The following MECOM variants were observed in gnomAD, a reference collection of about 807,000 sequenced individuals.
MECOM encodes MDS1 and EVI1 complex locus.
MECOM carries 13 observed loss-of-function variants against 116.3 expected under a neutral mutation model. The ratio of observed to expected loss-of-function variants is 0.11; its 90% CI spans 0.07 to 0.18. The LOEUF (loss-of-function observed/expected upper bound fraction) is 0.18, where lower values mean the gene tolerates loss of function less well. MECOM is among the 10% of genes least tolerant of loss of function. The pLI is 1.00. For synonymous variants in MECOM, 528 were observed against 535.2 expected, an observed-to-expected ratio of 0.99 and a Z score of 0.19; for missense variants, 1,299 against 1,509.0, an observed-to-expected ratio of 0.86 and a Z score of 2.31.
At chr3:169,425,652 G>A (rs937186771) in intron 1 of MECOM, among the ~76,000 whole-genome samples, 55 of 152,226 alleles carry the variant, frequency 3.6e-4, no homozygotes, top group African/African-American at 1.3e-3. Flanking sequence ...ATTTTGATTG[G>A]TCAAACAGTA....
At chr3:169,261,804 C>T (rs1757591427) in intron 2 of MECOM, among the ~76,000 whole-genome samples, 1 of 152,226 alleles carries the variant, frequency 6.6e-6, no homozygotes, top group Admixed American at 6.5e-5. Flanking sequence ...GTCAGTGATA[C>T]AGTGCCCGTG....
intron 2 of MECOM, among the ~76,000 whole-genome samples, chr3:169,368,684 G>T (rs1258067408): frequency 6.6e-6 from 1 of 151,972 alleles, no homozygotes; most frequent in African/African-American, 2.4e-5. Flanking sequence ...AGAATATTCT[G>T]ATGCAGTGGT....
intron 1 of MECOM, among the ~76,000 whole-genome samples, chr3:169,419,765 A>C (rs1169824086): frequency 2.0e-5 from 3 of 152,216 alleles, no homozygotes; most frequent in African/African-American, 7.2e-5. Context: ...AATGGAATTT[A>C]ATTAAACTAA....
At chr3:169,092,909 A>T in intron 14 of MECOM, 49 bp downstream of exon 14, 1 of 1,609,338 alleles carries the variant, frequency 6.2e-7, no homozygotes, top group South Asian at 1.1e-5. Context: ...ATTTTAAAAC[A>T]TGTTCATTTC....
intron 1 of MECOM, among the ~76,000 whole-genome samples, chr3:169,615,156 G>A (rs1769844506): frequency 6.6e-6 from 1 of 152,186 alleles, no homozygotes; most frequent in Non-Finnish European, 1.5e-5. Context: ...AGGAAAAGCA[G>A]GCTAGAGAGA....
chr3:169,306,118 ACACT>A (rs1377658902), intron 2 of MECOM, among the ~76,000 whole-genome samples: 4 of 152,170 alleles, frequency 2.6e-5, no homozygotes. Flanking sequence ...ATCTTTTATG[ACACT>A]CATGCACAGG....
At chr3:169,182,100 C>A in intron 2 of MECOM, among the ~76,000 whole-genome samples, 1 of 152,248 alleles carries the variant, frequency 6.6e-6, no homozygotes, top group Admixed American at 6.5e-5. Context: ...TGAACTGAGT[C>A]TAAATATTCA....
In MECOM at chr3:169,593,255, C is replaced by A. The variant is rs16854137; in HGVS notation, c.37+70081G>T. 0.016 allele frequency among the ~76,000 whole-genome samples: 2,503 copies of A among 152,266 alleles called. 236 individuals carry two copies. The East Asian group carries it at 0.3, about 18-fold the overall frequency. On this transcript the variant is annotated intron_variant, in intron 1 of 16. Transcript: ENST00000651503. ...GCAGAAATGTTGTAGCCTCATCCTGCATGCTGTCTGTAGATGGGAAAAATC... is the reference window on the plus strand; with the variant it reads ...GCAGAAATGTTGTAGCCTCATCCTGAATGCTGTCTGTAGATGGGAAAAATC...
chr3:169,315,845 A>G (rs1278653614), intron 2 of MECOM, among the ~76,000 whole-genome samples: 1 of 152,216 alleles, frequency 6.6e-6, no homozygotes, highest in East Asian at 1.9e-4. Flanking sequence ...CACCAATGTA[A>G]TGACATAGAT....
rs566795698 is a variant in MECOM at position 169,084,012 on chromosome 3, T to C, written c.*897A>G. On this transcript the variant is annotated 3_prime_UTR_variant, in exon 17 of 17. Transcript: ENST00000651503. ...CTCTCATACACAGGTCGGGTCACCT[T>C]GGTCCTTGAAATTCGGAAAGGGGTG... is the stretch of plus-strand genomic sequence containing the variant. 23 of 230,572 alleles carry C rather than the reference T, an allele frequency of 1.0e-4. No homozygotes were observed. Among genetic ancestry groups the C allele is most frequent in the African/African-American group, 4.9e-4 (22 of 45,316 alleles). 14.3% of individuals were successfully genotyped at this position (230,572 alleles called of 1,614,324 possible).
At chr3:169,212,674 A>G in intron 2 of MECOM, among the ~76,000 whole-genome samples, 1 of 116,636 alleles carries the variant, frequency 8.6e-6, no homozygotes, top group African/African-American at 3.4e-5. Context: ...ATATATATAT[A>G]TATATATATA....
chr3:169,608,455 G>A (rs896362912), intron 1 of MECOM, among the ~76,000 whole-genome samples: 1 of 152,128 alleles, frequency 6.6e-6, no homozygotes, highest in African/African-American at 2.4e-5. Context: ...ATTTTCAAAG[G>A]TGGCATCTGG....
chr3:169,168,507 A>G (rs1458893646), intron 2 of MECOM, among the ~76,000 whole-genome samples: 1 of 152,100 alleles, frequency 6.6e-6, no homozygotes, highest in Non-Finnish European at 1.5e-5. Context: ...GTTAGGTCAG[A>G]TTTGTTAATA....
chr3:169,658,723 G>A lies in MECOM; in HGVS notation c.37+4613C>T, dbSNP rs147854529. Among the ~76,000 whole-genome samples the A allele has an allele frequency of 2.5e-3, 387 of 152,322 alleles. 3 individuals carry two copies. Among genetic ancestry groups the A allele is most frequent in the African/African-American group, 8.9e-3 (372 of 41,574 alleles). ...CTTCCTCAGCACCAGACGGTTTTGAGATGAAGCGTGGGAGGGCTCAGCTCT... is the reference window on the plus strand; with the variant it reads ...CTTCCTCAGCACCAGACGGTTTTGAAATGAAGCGTGGGAGGGCTCAGCTCT... On this transcript the variant is annotated intron_variant, in intron 1 of 16. Coordinates refer to ENST00000651503, the MANE Select transcript of MECOM (RefSeq NM_004991.4).
chr3:169,559,158 A>C (rs1048196278), intron 1 of MECOM, among the ~76,000 whole-genome samples: 4 of 152,210 alleles, frequency 2.6e-5, no homozygotes, highest in African/African-American at 9.6e-5. Context: ...TTGTATTGTC[A>C]AAGCTAGAGT....
rs576829538 is a variant in MECOM at position 169,568,213 on chromosome 3, C to T, written c.37+95123G>A. ...CCAGATACTATGCTTTTCCAACTGT[C>T]TTCACAACCCGCAGACCAGGAGATT... On this transcript the variant is annotated intron_variant, in intron 1 of 16. Transcript: ENST00000651503. Among the ~76,000 whole-genome samples, 7 of 152,322 alleles carry T rather than the reference C, an allele frequency of 4.6e-5. No homozygotes were observed. In the South Asian group the frequency reaches 1.5e-3, roughly 32 times the overall value.
chr3:169,379,053 A>T (rs191761901), intron 2 of MECOM, among the ~76,000 whole-genome samples: 2 of 151,972 alleles, frequency 1.3e-5, no homozygotes, highest in African/African-American at 4.8e-5. Flanking sequence ...AAAAGATGAC[A>T]TGGGGACAAA....
At chr3:169,379,480 T>C (rs564461037) in intron 2 of MECOM, among the ~76,000 whole-genome samples, 13 of 152,066 alleles carry the variant, frequency 8.5e-5, no homozygotes, top group African/African-American at 2.6e-4. Context: ...AAAAATCATT[T>C]TACATTTCTC....
Position 169,602,703 on chromosome 3 carries a change from T to C in MECOM, c.37+60633A>G, listed in dbSNP as rs115954518. Reference sequence around the variant, plus strand: ...TATACCAAAAGAGGAAGGAAATATTTAGTCAAAAAGAAAAAATAAATAACA... The same window carrying C: ...TATACCAAAAGAGGAAGGAAATATTCAGTCAAAAAGAAAAAATAAATAACA... On this transcript the variant is annotated intron_variant, in intron 1 of 16. Transcript: ENST00000651503. Among the ~76,000 whole-genome samples, 935 of 152,238 alleles carry C rather than the reference T, an allele frequency of 6.1e-3. 12 individuals carry two copies. Among genetic ancestry groups the C allele is most frequent in the African/African-American group, 0.022 (903 of 41,542 alleles).
Sources: gnomAD v4.1 joint callset for allele counts (sites outside exome capture counted in the v4.1 genomes callset) on GRCh38, gnomAD v4.1.1 for gene constraint, MANE v1.5 for transcripts, NCBI Gene and HGNC (gene_info 2026-07-23, HGNC 2026-07-21) for gene names.